GLIS3: variants seen among roughly 807,000 people sequenced by gnomAD.
The protein encoded by GLIS3 is zinc finger protein GLIS3.
GLIS3 carries 53 observed loss-of-function variants against 78.6 expected under a neutral mutation model. That is an observed-to-expected ratio of 0.67 (90% confidence interval 0.54 to 0.85). The LOEUF is 0.85. GLIS3 is among the 40% of genes least tolerant of loss of function. GLIS3 has a pLI of 0.00. For synonymous variants in GLIS3, 684 were observed against 509.9 expected, an observed-to-expected ratio of 1.34 and a Z score of -4.60; for missense variants, 1,703 against 1,231.1, an observed-to-expected ratio of 1.38 and a Z score of -5.74.
intron 4 of GLIS3, among the ~76,000 whole-genome samples, chr9:4,085,710 G>A (rs939151468): frequency 1.3e-5 from 2 of 152,062 alleles, no homozygotes; most frequent in African/African-American, 2.4e-5. Context: ...CTATCCCCTC[G>A]GTGCTGTCCT....
At chr9:4,366,799 A>G in the GLIS3 span, among the ~76,000 whole-genome samples, 26 of 152,354 alleles carry the variant, frequency 1.7e-4, 1 homozygote, top group South Asian at 4.6e-3. Context: ...ACCAACTGCC[A>G]TAACGGTCTT....
chr9:4,280,440 G>C (rs966235140), intron 2 of GLIS3, among the ~76,000 whole-genome samples: 1 of 152,126 alleles, frequency 6.6e-6, no homozygotes, highest in Non-Finnish European at 1.5e-5. Context: ...TAGGAATTTG[G>C]AGGTCACAAT....
At chr9:4,188,710 C>A (rs934705973) in intron 2 of GLIS3, among the ~76,000 whole-genome samples, 5 of 152,140 alleles carry the variant, frequency 3.3e-5, no homozygotes, top group African/African-American at 7.2e-5. Context: ...CAACTTCTTC[C>A]TGGTTTAGTC....
chr9:3,954,652 T>G (rs913289067), intron 4 of GLIS3, among the ~76,000 whole-genome samples: 3 of 152,372 alleles, frequency 2.0e-5, no homozygotes, highest in African/African-American at 7.2e-5. Context: ...TCTATTCTTT[T>G]CTGCTTAGCT....
the GLIS3 span, among the ~76,000 whole-genome samples, chr9:4,355,282 A>G: frequency 6.6e-6 from 1 of 152,254 alleles, no homozygotes; most frequent in Admixed American, 6.5e-5. Context: ...TCTGCAAGCA[A>G]CTTAACCTCC....
At chr9:4,183,748 A>T (rs972782740) in intron 2 of GLIS3, among the ~76,000 whole-genome samples, 1 of 152,234 alleles carries the variant, frequency 6.6e-6, no homozygotes, top group Non-Finnish European at 1.5e-5. Context: ...TTACATGACA[A>T]CTGATTAAAG....
chr9:3,880,686 T>C (rs578141244), intron 7 of GLIS3, among the ~76,000 whole-genome samples: 1 of 152,206 alleles, frequency 6.6e-6, no homozygotes. Context: ...TGTATTTTTA[T>C]ACCAGTACCA....
intron 4 of GLIS3, among the ~76,000 whole-genome samples, chr9:3,975,684 C>T (rs1818726955): frequency 6.6e-6 from 1 of 152,034 alleles, no homozygotes; most frequent in African/African-American, 2.4e-5. Context: ...TGCACTCTTC[C>T]AAATAAACAT....
At chr9:4,339,539 G>C (rs1363860657) in intron 2 of GLIS3, among the ~76,000 whole-genome samples, 1 of 151,336 alleles carries the variant, frequency 6.6e-6, no homozygotes, top group African/African-American at 2.4e-5. Flanking sequence ...GCAGAGGTTT[G>C]GATTGCTAAC....
At chr9:4,146,274 A>T (rs1217224049) in intron 2 of GLIS3, among the ~76,000 whole-genome samples, 1 of 152,206 alleles carries the variant, frequency 6.6e-6, no homozygotes, top group South Asian at 2.1e-4. Flanking sequence ...ATAAATATCG[A>T]TTATTTGAAA....
intron 7 of GLIS3, among the ~76,000 whole-genome samples, chr9:3,895,660 G>A (rs1822777076): frequency 6.6e-6 from 1 of 152,144 alleles, no homozygotes; most frequent in South Asian, 2.1e-4. Flanking sequence ...AACACTTCAG[G>A]AGAAGTGCAA....
chr9:4,276,730 T>A (rs887413097), intron 2 of GLIS3, among the ~76,000 whole-genome samples: 5 of 152,160 alleles, frequency 3.3e-5, no homozygotes, highest in African/African-American at 9.7e-5. Flanking sequence ...AAATCACGCC[T>A]CCGATTGAGT....
intron 8 of GLIS3, among the ~76,000 whole-genome samples, chr9:3,869,293 G>A (rs1461699687): frequency 2.1e-5 from 3 of 142,700 alleles, no homozygotes; most frequent in African/African-American, 7.9e-5. Flanking sequence ...GTGTGTGTGT[G>A]TAAAAGCTGA....
chr9:3,917,108 C>T (rs942247948), intron 6 of GLIS3, among the ~76,000 whole-genome samples: 1 of 152,276 alleles, frequency 6.6e-6, no homozygotes, highest in Middle Eastern at 3.4e-3. Context: ...GGCAAAAATG[C>T]ACGTAAATGC....
the GLIS3 span, among the ~76,000 whole-genome samples, chr9:4,439,160 T>A: frequency 6.6e-6 from 1 of 152,120 alleles, no homozygotes; most frequent in Non-Finnish European, 1.5e-5. Flanking sequence ...ACCTTCCAAT[T>A]CCCTAATCAT....
At chr9:4,337,840 T>C (rs188945264) in intron 2 of GLIS3, among the ~76,000 whole-genome samples, 3 of 152,312 alleles carry the variant, frequency 2.0e-5, no homozygotes, top group African/African-American at 7.2e-5. Flanking sequence ...CATTTAATCC[T>C]CACAAAACTC....
chr9:4,106,526 C>A (rs1223304028), intron 4 of GLIS3, among the ~76,000 whole-genome samples: 11 of 152,224 alleles, frequency 7.2e-5, no homozygotes, highest in East Asian at 3.9e-4. Context: ...AAGAGCCAGG[C>A]AATTTCATTT....
intron 4 of GLIS3, among the ~76,000 whole-genome samples, chr9:3,972,836 T>C (rs1324942536): frequency 7.2e-5 from 11 of 152,212 alleles, no homozygotes; most frequent in Non-Finnish European, 1.3e-4. Flanking sequence ...GAAAAGCATA[T>C]GTTGATCTTT....
At chr9:3,913,690 C>G (rs999537260) in intron 6 of GLIS3, among the ~76,000 whole-genome samples, 1 of 152,144 alleles carries the variant, frequency 6.6e-6, no homozygotes, top group African/African-American at 2.4e-5. Context: ...TAATTTTATT[C>G]TTTTTCATAT....
Sources: gnomAD v4.1 joint callset for allele counts (sites outside exome capture counted in the v4.1 genomes callset) on GRCh38, gnomAD v4.1.1 for gene constraint, MANE v1.5 for transcripts, NCBI Gene and HGNC (gene_info 2026-07-23, HGNC 2026-07-21) for gene names.